ANO10: variants seen among roughly 807,000 people sequenced by gnomAD.
ANO10 encodes anoctamin-10.
ANO10 carries 77 observed loss-of-function variants against 74.7 expected under a neutral mutation model. The ratio of observed to expected loss-of-function variants is 1.03; its 90% CI spans 0.86 to 1.25. ANO10 has a LOEUF of 1.25. Ranked by LOEUF, ANO10 falls within the 50% of genes most tolerant of loss-of-function variation. The pLI, the probability that ANO10 is intolerant of heterozygous loss-of-function variation, is 0.00. For missense variants in ANO10, 721 were observed against 778.1 expected (o/e 0.93, Z 0.87); for synonymous variants, 279 against 284.9 (o/e 0.98, Z 0.21).
intron 12 of ANO10, among the ~76,000 whole-genome samples, chr3:43,382,315 C>A (rs1287680199): frequency 6.6e-6 from 1 of 151,892 alleles, no homozygotes; most frequent in Admixed American, 6.6e-5. Flanking sequence ...GTCAGGAGAT[C>A]GAGACCACCC....
chr3:43,682,833 A>T (rs1417407865), intron 1 of ANO10, among the ~76,000 whole-genome samples: 1 of 152,208 alleles, frequency 6.6e-6, no homozygotes, highest in African/African-American at 2.4e-5. Context: ...CAAAAAACAC[A>T]TGATTATCTC....
At chr3:43,587,151 T>C (rs1370870034) in intron 4 of ANO10, among the ~76,000 whole-genome samples, 1 of 152,150 alleles carries the variant, frequency 6.6e-6, no homozygotes, top group Admixed American at 6.5e-5. Flanking sequence ...TGCAGATAAC[T>C]GGAAATGCAG....
chr3:43,649,476 C>G (rs2083763149), intron 1 of ANO10, among the ~76,000 whole-genome samples: 1 of 152,146 alleles, frequency 6.6e-6, no homozygotes, highest in Admixed American at 6.5e-5. Context: ...ACTTGAGTGT[C>G]CTGTCACACT....
chr3:43,593,708 A>G (rs1393816780), intron 4 of ANO10, among the ~76,000 whole-genome samples: 1 of 152,236 alleles, frequency 6.6e-6, no homozygotes, highest in East Asian at 1.9e-4. Flanking sequence ...TCAACTAACG[A>G]GCAAACTAAC....
intron 1 of ANO10, among the ~76,000 whole-genome samples, chr3:43,607,325 GACCC>G (rs2082608415): frequency 2.0e-5 from 3 of 147,574 alleles, no homozygotes; most frequent in Non-Finnish European, 4.5e-5. Flanking sequence ...AACATAGCAA[GACCC>G]TGTCTAAAAA....
intron 11 of ANO10, among the ~76,000 whole-genome samples, chr3:43,546,300 A>C (rs559370282): frequency 1.2e-4 from 19 of 152,366 alleles, no homozygotes; most frequent in Non-Finnish European, 2.4e-4. Flanking sequence ...CAGCCAAAAC[A>C]ATCTTGAGAA....
intron 1 of ANO10, among the ~76,000 whole-genome samples, chr3:43,682,594 T>C (rs1176003408): frequency 3.3e-5 from 5 of 152,152 alleles, no homozygotes; most frequent in Non-Finnish European, 1.5e-5. Context: ...GCCAGCATCA[T>C]CCTGATACCA....
At chr3:43,478,898 C>A (rs960671416) in intron 11 of ANO10, among the ~76,000 whole-genome samples, 1 of 152,236 alleles carries the variant, frequency 6.6e-6, no homozygotes, top group African/African-American at 2.4e-5. Context: ...AAAAGCAAAC[C>A]CAAGTACCTG....
chr3:43,673,913 T>C (rs2084090119), intron 1 of ANO10, among the ~76,000 whole-genome samples: 1 of 152,070 alleles, frequency 6.6e-6, no homozygotes, highest in African/African-American at 2.4e-5. Context: ...AATTGTACAA[T>C]CAGATAAAAG....
chr3:43,636,680 C>A (rs1357428883), intron 1 of ANO10: 1 of 152,162 alleles, frequency 6.6e-6, no homozygotes, highest in African/African-American at 2.4e-5. Flanking sequence ...CTCACAAATC[C>A]TTTATCTTGT....
chr3:43,562,409 G>A (rs1045156508), intron 8 of ANO10, among the ~76,000 whole-genome samples: 2 of 133,632 alleles, frequency 1.5e-5, no homozygotes, highest in Admixed American at 8.9e-5. Flanking sequence ...CCAAGATCGC[G>A]CCACTGCACT....
rs555300063 is a variant in ANO10, at chr3:43,490,608, C to T, written c.1798-57881G>A. On this transcript the variant is annotated intron_variant, in intron 11 of 12. Transcript: ENST00000292246. ...CATAGAAAAAGATGGAAGGCTCCTC[C>T]TAATTCATTCTAAAAAGCCGGAACA... Among the ~76,000 whole-genome samples, 56 of 152,290 alleles carry T rather than the reference C, an allele frequency of 3.7e-4. 2 individuals carry two copies. In the South Asian group the frequency reaches 0.011, roughly 29 times the overall value.
At chr3:43,678,980 A>G (rs1283056525) in intron 1 of ANO10, among the ~76,000 whole-genome samples, 1 of 152,176 alleles carries the variant, frequency 6.6e-6, no homozygotes, top group Non-Finnish European at 1.5e-5. Flanking sequence ...ATGGCTGAAT[A>G]GGAACAGCTG....
At chr3:43,509,191 G>C (rs550345222) in intron 11 of ANO10, among the ~76,000 whole-genome samples, 5 of 151,992 alleles carry the variant, frequency 3.3e-5, no homozygotes, top group African/African-American at 1.2e-4. Flanking sequence ...ACACAGGGTG[G>C]GGAACATCAC....
At chr3:43,425,024 T>A (rs1258436116) in intron 12 of ANO10, among the ~76,000 whole-genome samples, 1 of 152,166 alleles carries the variant, frequency 6.6e-6, no homozygotes, top group Non-Finnish European at 1.5e-5. Flanking sequence ...CTAAGGACTG[T>A]GGCTATTGGC....
At chr3:43,412,719 T>C (rs1229554082) in intron 12 of ANO10, among the ~76,000 whole-genome samples, 1 of 152,216 alleles carries the variant, frequency 6.6e-6, no homozygotes, top group African/African-American at 2.4e-5. Flanking sequence ...ATCTTCTCTA[T>C]GGTAGAGCAA....
intron 12 of ANO10, among the ~76,000 whole-genome samples, chr3:43,417,717 A>T (rs1359495539): frequency 3.3e-5 from 5 of 152,186 alleles, no homozygotes; most frequent in Non-Finnish European, 5.9e-5. Flanking sequence ...GCGACCTGAC[A>T]GGTCTATTCT....
intron 11 of ANO10, among the ~76,000 whole-genome samples, chr3:43,540,150 G>A (rs1047155746): frequency 2.0e-5 from 3 of 152,160 alleles, no homozygotes; most frequent in East Asian, 1.9e-4. Context: ...TAATTCCTTC[G>A]TTAATCAAAA....
chr3:43,495,590 G>T (rs570517970), intron 11 of ANO10, among the ~76,000 whole-genome samples: 1 of 152,256 alleles, frequency 6.6e-6, no homozygotes, highest in South Asian at 2.1e-4. Flanking sequence ...CACAGATGAG[G>T]CATGGCAAGT....
Sources: allele counts gnomAD v4.1 joint callset (sites outside exome capture counted in the v4.1 genomes callset), GRCh38; gene constraint gnomAD v4.1.1; transcripts MANE v1.5; gene names NCBI Gene and HGNC (gene_info 2026-07-23, HGNC 2026-07-21).